The following RBFOX1 variants were observed in gnomAD, a reference collection of about 807,000 sequenced individuals.
RBFOX1 encodes the protein RNA binding protein fox-1 homolog 1.
RBFOX1 carries 8 observed loss-of-function variants against 57.7 expected under a neutral mutation model. That is an observed-to-expected ratio of 0.14 (90% CI 0.08 to 0.25). The LOEUF is 0.25. RBFOX1 is among the 10% of genes least tolerant of loss of function. The pLI is 1.00. For synonymous variants in RBFOX1, 326 were observed against 222.4 expected (o/e 1.47, Z -4.15); for missense variants, 611 against 548.5 (o/e 1.11, Z -1.14).
intron 3 of RBFOX1, among the ~76,000 whole-genome samples, chr16:6,761,563 A>T (rs1259133636): frequency 8.7e-6 from 1 of 115,558 alleles, no homozygotes; most frequent in Non-Finnish European, 1.6e-5. Context: ...GCTGGAGTGC[A>T]GTGGTGCGAT....
At chr16:5,446,746 A>C (rs1357918854) in intron 1 of RBFOX1, among the ~76,000 whole-genome samples, 1 of 152,092 alleles carries the variant, frequency 6.6e-6, no homozygotes, top group African/African-American at 2.4e-5. Flanking sequence ...TAAGTTCTTC[A>C]AGTCCCTCCT....
chr16:5,931,010 T>A (rs542259825), intron 4 of RBFOX1, among the ~76,000 whole-genome samples: 26 of 151,614 alleles, frequency 1.7e-4, no homozygotes, highest in East Asian at 1.2e-3. Flanking sequence ...GGGAGGGTGG[T>A]TGAATGGATG....
intron 3 of RBFOX1, among the ~76,000 whole-genome samples, chr16:6,809,755 G>A (rs1254343962): frequency 6.6e-6 from 1 of 151,938 alleles, no homozygotes; most frequent in Non-Finnish European, 1.5e-5. Context: ...TTATGAGATG[G>A]GGCAATCATA....
At chr16:6,822,005 A>C (rs767956639) in intron 3 of RBFOX1, among the ~76,000 whole-genome samples, 1 of 152,120 alleles carries the variant, frequency 6.6e-6, no homozygotes, top group Non-Finnish European at 1.5e-5. Flanking sequence ...CATACCTTCT[A>C]CATGACCAAA....
At chr16:6,491,290 A>T (rs1236941959) in intron 2 of RBFOX1, among the ~76,000 whole-genome samples, 1 of 152,086 alleles carries the variant, frequency 6.6e-6, no homozygotes, top group Admixed American at 6.6e-5. Flanking sequence ...TTTTAATTCC[A>T]TATCCAGAAG....
At chr16:6,218,833 A>T (rs992671008) in intron 1 of RBFOX1, among the ~76,000 whole-genome samples, 3 of 139,756 alleles carry the variant, frequency 2.1e-5, no homozygotes, top group African/African-American at 5.3e-5. Flanking sequence ...TTAAGTCCCA[A>T]ATGGAGACAA....
chr16:6,341,091 A>G (rs2084499865), intron 2 of RBFOX1, among the ~76,000 whole-genome samples: 1 of 152,190 alleles, frequency 6.6e-6, no homozygotes, highest in South Asian at 2.1e-4. Context: ...CAAATCATTG[A>G]TTTAAAACCA....
At chr16:6,737,251 T>C (rs1359830357) in intron 3 of RBFOX1, among the ~76,000 whole-genome samples, 2 of 152,218 alleles carry the variant, frequency 1.3e-5, no homozygotes, top group Admixed American at 6.5e-5. Flanking sequence ...TATTTTTGCA[T>C]TTCCCCGTAT....
At position 6,945,009 on chromosome 16, in the gene RBFOX1, C is replaced by G. The variant is rs546170252; in HGVS notation, c.-15-107048C>G. Reference sequence around the variant, plus strand: ...GGGTGAAAAGGGTCGTGACTTTTAGCAGCTCTTCTTCTTATCTTAACATTC... The same window carrying G: ...GGGTGAAAAGGGTCGTGACTTTTAGGAGCTCTTCTTCTTATCTTAACATTC... On this transcript the variant is annotated intron_variant, in intron 3 of 15. Coordinates refer to ENST00000550418, the MANE Select transcript of RBFOX1 (RefSeq NM_018723.4). Among the ~76,000 whole-genome samples, 194 of 152,202 alleles carry G rather than the reference C, an allele frequency of 1.3e-3. 1 individual carries two copies. Among genetic ancestry groups the G allele is most frequent in the African/African-American group, 4.4e-3 (182 of 41,518 alleles).
chr16:7,300,851 T>C (rs929267290), intron 4 of RBFOX1, among the ~76,000 whole-genome samples: 1 of 152,234 alleles, frequency 6.6e-6, no homozygotes. Flanking sequence ...TTCCTGCACT[T>C]TTTCAGCTTC....
intron 2 of RBFOX1, among the ~76,000 whole-genome samples, chr16:6,426,506 C>T (rs1220412330): frequency 6.6e-6 from 1 of 152,022 alleles, no homozygotes; most frequent in Non-Finnish European, 1.5e-5. Context: ...TGATGCACAC[C>T]TGTCGTCCCA....
intron 3 of RBFOX1, among the ~76,000 whole-genome samples, chr16:5,863,112 G>A (rs1465186299): frequency 6.6e-6 from 1 of 152,126 alleles, no homozygotes; most frequent in African/African-American, 2.4e-5. Context: ...CTTGGGCAAG[G>A]CTCTTTATGT....
intron 3 of RBFOX1, among the ~76,000 whole-genome samples, chr16:6,959,903 T>C (rs1213012127): frequency 6.6e-6 from 1 of 152,146 alleles, no homozygotes; most frequent in African/African-American, 2.4e-5. Context: ...GCCATTGCAC[T>C]CTAGCCTGGG....
intron 5 of RBFOX1, among the ~76,000 whole-genome samples, chr16:7,521,252 A>G (rs985076443): frequency 6.6e-6 from 1 of 152,172 alleles, no homozygotes; most frequent in Non-Finnish European, 1.5e-5. Context: ...TTTGGGCATG[A>G]TGAAGGGGAT....
At position 6,854,060 on chromosome 16, in the gene RBFOX1, C is replaced by G. The variant is rs116209768; in HGVS notation, c.-15-197997C>G. Among the ~76,000 whole-genome samples, 882 of 152,296 alleles carry G rather than the reference C, an allele frequency of 5.8e-3. 14 individuals carry two copies. The highest frequency in any genetic ancestry group is 0.02 in the African/African-American group (835 of 41,556). ...TCAGGCAGTTAAGTCTTTGTTCCTT[C>G]CAGAAATCCTATTTATTTAAAGCTG... On this transcript the variant is annotated intron_variant, in intron 3 of 15. Coordinates refer to ENST00000550418, the MANE Select transcript of RBFOX1 (RefSeq NM_018723.4).
chr16:5,562,727 A>G (rs977091959), intron 2 of RBFOX1, among the ~76,000 whole-genome samples: 9 of 152,020 alleles, frequency 5.9e-5, no homozygotes, highest in Non-Finnish European at 1.3e-4. Context: ...TCTGTCCTAT[A>G]TTTTTGTTTT....
chr16:7,592,189 A>G (rs1422768842), intron 7 of RBFOX1, among the ~76,000 whole-genome samples: 1 of 152,212 alleles, frequency 6.6e-6, no homozygotes, highest in Non-Finnish European at 1.5e-5. Flanking sequence ...GTAGCTGACA[A>G]GCAAAGAGAG....
chr16:7,373,507 C>G (rs553595010), intron 4 of RBFOX1, among the ~76,000 whole-genome samples: 8 of 152,072 alleles, frequency 5.3e-5, no homozygotes, highest in Non-Finnish European at 8.8e-5. Flanking sequence ...AATCTCCAGT[C>G]CCTTGTAATA....
At chr16:6,603,675 C>T (rs560165852) in intron 2 of RBFOX1, among the ~76,000 whole-genome samples, 7 of 152,312 alleles carry the variant, frequency 4.6e-5, no homozygotes, top group African/African-American at 1.2e-4. Flanking sequence ...GTAGTGTGAA[C>T]ATTGAGGATC....
Sources: allele counts gnomAD v4.1 joint callset (sites outside exome capture counted in the v4.1 genomes callset), GRCh38; gene constraint gnomAD v4.1.1; transcripts MANE v1.5; gene names NCBI Gene and HGNC (gene_info 2026-07-23, HGNC 2026-07-21).